ADH1A: variants seen among roughly 807,000 people sequenced by gnomAD.
The protein encoded by ADH1A is alcohol dehydrogenase 1A.
Under a neutral mutation model 35.2 loss-of-function variants are expected in ADH1A, and 29 were observed. The ratio of observed to expected loss-of-function variants is 0.82; its 90% CI spans 0.61 to 1.12. ADH1A has a LOEUF of 1.12. ADH1A is among the 50% of genes most tolerant of loss of function. The pLI is 0.00. For synonymous variants in ADH1A, 147 were observed against 164.8 expected (o/e 0.89, Z 0.83); for missense variants, 469 against 464.7 (o/e 1.01, Z -0.09).
chr4:99,282,546 TA>T lies in ADH1A; in HGVS notation c.627del (p.Met210TrpfsTer46), dbSNP rs749794668. On this transcript the variant is annotated frameshift_variant, in exon 6 of 9. Coordinates refer to ENST00000209668, the MANE Select transcript of ADH1A (RefSeq NM_000667.4). LOFTEE classifies it high-confidence loss of function. ...FGLGGVGLSA[I>X]MGCKAAGAAR... Reference sequence around the variant, plus strand: ...GCTGCCCCAGCTGCTTTACAGCCCATAATAGCAGATAGGCCGACCCCTCCCA... The same window carrying T: ...GCTGCCCCAGCTGCTTTACAGCCCATATAGCAGATAGGCCGACCCCTCCCA... 1.2e-6 allele frequency: 2 copies of T among 1,614,176 alleles called. No homozygotes were observed. The highest frequency in any genetic ancestry group is 1.7e-6 in the Non-Finnish European group (2 of 1,180,024).
chr4:99,276,536 G>A lies in ADH1A; in HGVS notation c.*88C>T. On this transcript the variant is annotated 3_prime_UTR_variant, in exon 9 of 9. Coordinates refer to ENST00000209668, the MANE Select transcript of ADH1A (RefSeq NM_000667.4). The stretch of plus-strand genomic sequence containing the variant: ...TTATTGATAAAATCTGTGATGAGCA[G>A]AATTAATGATATTTCCCAGCTGTTG... The A allele has an allele frequency of 2.6e-6, 3 of 1,165,944 alleles. No homozygotes were observed. The highest frequency in any genetic ancestry group is 3.9e-6 in the Non-Finnish European group (3 of 776,320). 72.2% of individuals were successfully genotyped at this position (1,165,944 alleles called of 1,614,324 possible).
intron 6 of ADH1A, chr4:99,281,994 G>T: frequency 3.7e-6 from 1 of 268,390 alleles, no homozygotes; most frequent in Non-Finnish European, 7.0e-6. Context: ...TTAAGAATGT[G>T]GCAGAAAAAT....
chr4:99,285,380 A>G (rs766577505), intron 3 of ADH1A, among the ~76,000 whole-genome samples: 1 of 152,174 alleles, frequency 6.6e-6, no homozygotes, highest in Non-Finnish European at 1.5e-5. Flanking sequence ...CAATTCCAGA[A>G]ATTCCTCTGG....
intron 1 of ADH1A, among the ~76,000 whole-genome samples, chr4:99,290,570 T>C (rs1368130024): frequency 6.6e-6 from 1 of 152,186 alleles, no homozygotes; most frequent in East Asian, 1.9e-4. Flanking sequence ...GAAAACTTCT[T>C]GATGAAAGAC....
At chr4:99,281,466 C>T (rs926067745) in intron 6 of ADH1A, among the ~76,000 whole-genome samples, 9 of 152,076 alleles carry the variant, frequency 5.9e-5, no homozygotes, top group East Asian at 3.9e-4. Flanking sequence ...TGAGGCCGGG[C>T]GTGGTAGCTC....
Position 99,286,897 on chromosome 4 carries a change from G to C in ADH1A, c.212C>G (p.Ala71Gly). 1 of 1,614,124 alleles carries C rather than the reference G, an allele frequency of 6.2e-7. No individual in the cohort carries two copies. The highest frequency in any genetic ancestry group is 1.1e-5 in the South Asian group (1 of 91,072). The change falls in exon 3 of 9, where the codon GCC becomes GGC. Residue 71 changes from alanine to glycine, a missense_variant. By Grantham distance (60) the Ala-to-Gly change is moderately conservative. Coordinates refer to ENST00000209668, the MANE Select transcript of ADH1A (RefSeq NM_000667.4). ...PLPVILGHEA[A>G]GIVESVGEGV... ...TTCTCCAACACTCTCCACGATGCCG[G>C]CTGCCTCATGGCCTAAAATCACAGG...
At chr4:99,283,005 C>T (rs184509694) in intron 5 of ADH1A, among the ~76,000 whole-genome samples, 92 of 152,220 alleles carry the variant, frequency 6.0e-4, no homozygotes, top group Admixed American at 1.3e-3. Flanking sequence ...TGATAGCCAG[C>T]TTCAGTAACT....
intron 7 of ADH1A, 138 bp from the exon 8 acceptor site, chr4:99,279,702 T>C: frequency 9.5e-7 from 1 of 1,052,208 alleles, no homozygotes; most frequent in Non-Finnish European, 1.4e-6. Context: ...AGAGATACAG[T>C]ACCTCAATAA....
At chr4:99,279,302 T>C (rs1228062795) in intron 8 of ADH1A, 124 bp downstream of exon 8, 1 of 1,268,140 alleles carries the variant, frequency 7.9e-7, no homozygotes, top group East Asian at 2.6e-5. Context: ...ATGTAAAGAC[T>C]GAACTGGTAA....
chr4:99,286,271 C>G lies in ADH1A; in HGVS notation c.259+579G>C, dbSNP rs74788202. ...CAGACATTGTTGATGGTGGATGGCT[C>G]TTTCTATGTTTCTTTCATTTCCTTT... On this transcript the variant is annotated intron_variant, in intron 3 of 8. Transcript: ENST00000209668. Among the ~76,000 whole-genome samples, 973 of 152,198 alleles carry G rather than the reference C, an allele frequency of 6.4e-3. 11 individuals are homozygous for G. Among genetic ancestry groups the G allele is most frequent in the African/African-American group, 0.022 (904 of 41,530 alleles).
chr4:99,284,253 T>C, intron 5 of ADH1A, 146 bp downstream of exon 5: 1 of 876,374 alleles, frequency 1.1e-6, no homozygotes, highest in Non-Finnish European at 1.8e-6. Context: ...TAGCATGTGC[T>C]CTCAATTCTT....
intron 1 of ADH1A, among the ~76,000 whole-genome samples, chr4:99,289,317 C>A (rs1263532981): frequency 1.3e-5 from 2 of 152,134 alleles, no homozygotes; most frequent in Non-Finnish European, 2.9e-5. Context: ...GCTACCAGGA[C>A]AGTACTATTG....
At chr4:99,285,666 C>T (rs1432918908) in intron 3 of ADH1A, among the ~76,000 whole-genome samples, 1 of 151,880 alleles carries the variant, frequency 6.6e-6, no homozygotes, top group Non-Finnish European at 1.5e-5. Flanking sequence ...GAGCTGAAAC[C>T]CAAATTGGAC....
rs1398048820 is a variant in ADH1A at position 99,279,581 on chromosome 4, A to G, written c.965-17T>C. 2.5e-6 allele frequency: 4 copies of G among 1,603,622 alleles called. No individual in the cohort carries two copies. Among genetic ancestry groups the G allele is most frequent in the Admixed American group, 3.5e-5 (2 of 57,650 alleles). On this transcript the variant is annotated splice_polypyrimidine_tract_variant and intron_variant, in intron 7 of 8. Coordinates refer to ENST00000209668, the MANE Select transcript of ADH1A (RefSeq NM_000667.4). Reference sequence around the variant, plus strand: ...TTTTAAAGCCTGAAAAGAAGATGGTATCATTGTTAGATTCAACCAGGGTAA... The same window carrying G: ...TTTTAAAGCCTGAAAAGAAGATGGTGTCATTGTTAGATTCAACCAGGGTAA...
intron 3 of ADH1A, among the ~76,000 whole-genome samples, chr4:99,286,500 T>C (rs1043774362): frequency 4.6e-5 from 7 of 152,146 alleles, no homozygotes; most frequent in Non-Finnish European, 8.8e-5. Context: ...GTCTGGGCCC[T>C]GACAGAAGAC....
In ADH1A at chr4:99,284,610, T is replaced by C. The variant is rs1306997493; in HGVS notation, c.356A>G (p.Asn119Ser). 2 of 1,614,182 alleles carry C rather than the reference T, an allele frequency of 1.2e-6. No homozygotes were observed. The highest frequency in any genetic ancestry group is 8.5e-7 in the Non-Finnish European group (1 of 1,180,020). The change falls in exon 5 of 9, where the codon AAT becomes AGT. Residue 119 changes from asparagine (N) to serine (S), a missense_variant. Transcript: ENST00000209668. Reference sequence around the variant, plus strand: ...GCCATCCTGCAGGGTCCCCTGAGGATTGCTTACACTGGACAGTGCAATACA... The same window carrying C: ...GCCATCCTGCAGGGTCCCCTGAGGACTGCTTACACTGGACAGTGCAATACA... ...SNYCLKNDVS[N>S]PQGTLQDGTS...
At position 99,287,611 on chromosome 4, in the gene ADH1A, C is replaced by G. The variant is rs763664026; in HGVS notation, c.73G>C (p.Glu25Gln). Residue 25 changes from glutamate to glutamine, a missense_variant, in exon 2 of 9, where the codon GAG (glutamate) becomes CAG (glutamine). Glu to Gln is a conservative substitution (Grantham distance 29). Coordinates refer to ENST00000209668, the MANE Select transcript of ADH1A (RefSeq NM_000667.4). ...LWELKKPFSI[E>Q]EVEVAPPKAH... ...TTAGGAGGTGCAACCTCCACCTCCT[C>G]AATGGAAAAGGGTTTCTTTAACTCC... 2.5e-6 allele frequency: 4 copies of G among 1,613,750 alleles called. No individual in the cohort carries two copies. In the South Asian group the frequency reaches 4.4e-5, roughly 18 times the overall value.
intron 5 of ADH1A, 125 bp downstream of exon 5, chr4:99,284,274 G>A: frequency 9.6e-7 from 1 of 1,043,256 alleles, no homozygotes; most frequent in South Asian, 1.4e-5. Flanking sequence ...TCTGGATTGT[G>A]TTTCTATTCT....
intron 6 of ADH1A, among the ~76,000 whole-genome samples, chr4:99,280,886 G>A (rs980472035): frequency 1.1e-4 from 16 of 152,222 alleles, no homozygotes; most frequent in South Asian, 4.2e-4. Flanking sequence ...TCAAAAGACC[G>A]TTCAGAAAGT....
Sources: allele counts gnomAD v4.1 joint callset (sites outside exome capture counted in the v4.1 genomes callset), GRCh38; gene constraint gnomAD v4.1.1; transcripts MANE v1.5; gene names NCBI Gene and HGNC (gene_info 2026-07-23, HGNC 2026-07-21).